Variants in STK24 observed in about 807,000 individuals in gnomAD.
STK24 encodes serine/threonine-protein kinase 24.
A neutral mutation model predicts 55.6 loss-of-function variants in STK24; 21 were observed. That is an observed-to-expected ratio of 0.38 (90% CI 0.27 to 0.54). The LOEUF (loss-of-function observed/expected upper bound fraction) is 0.54. Ranked by LOEUF, STK24 falls within the 20% of genes least tolerant of loss-of-function variation. The pLI is 0.79. For missense variants in STK24, 383 were observed against 538.4 expected (o/e 0.71, Z 2.86); for synonymous variants, 200 against 215.2 (o/e 0.93, Z 0.62).
chr13:98,479,436 A>G (rs1894505190), intron 3 of STK24, among the ~76,000 whole-genome samples: 1 of 152,264 alleles, frequency 6.6e-6, no homozygotes, highest in South Asian at 2.1e-4. Context: ...GCATTTTTTA[A>G]AAGTTAAAAA....
Position 98,446,270 on chromosome 13 carries a change from C to G in STK24, c.*6903G>C. The G allele has an allele frequency of 1.9e-6, 2 of 1,028,130 alleles. No individual in the cohort carries two copies. The highest frequency in any genetic ancestry group is 3.0e-6 in the Non-Finnish European group (2 of 663,264). The allele number at this position is 1,028,130 out of a possible 1,614,324, so 63.7% of individuals were successfully genotyped here. A position where few individuals can be genotyped will look rare whatever the true frequency, so the allele number is the denominator to read the frequency against. ...GGGGTGGCAGCATGAGGTGAGGGGGCCGCCCTCCTCTGGAATGACTCAGGC... is the reference window on the plus strand; with the variant it reads ...GGGGTGGCAGCATGAGGTGAGGGGGGCGCCCTCCTCTGGAATGACTCAGGC... On this transcript the variant is annotated 3_prime_UTR_variant, in exon 11 of 11. Coordinates refer to ENST00000539966, the MANE Select transcript of STK24 (RefSeq NM_001032296.4).
At chr13:98,457,136 T>G in intron 10 of STK24, 32 bp downstream of exon 10, 3 of 1,600,310 alleles carry the variant, frequency 1.9e-6, no homozygotes, top group Non-Finnish European at 2.6e-6. Flanking sequence ...AGGTCTCTCC[T>G]TCCCCAGCCC....
intron 2 of STK24, among the ~76,000 whole-genome samples, chr13:98,501,565 A>G (rs1051754747): frequency 6.6e-6 from 1 of 152,260 alleles, no homozygotes; most frequent in African/African-American, 2.4e-5. Flanking sequence ...TAGGTACATG[A>G]TAGAATCGAT....
intron 5 of STK24, among the ~76,000 whole-genome samples, chr13:98,472,436 A>G (rs1894188682): frequency 6.6e-6 from 1 of 152,202 alleles, no homozygotes; most frequent in African/African-American, 2.4e-5. Flanking sequence ...TTCTCATGTG[A>G]GCAGTGATGG....
Position 98,464,685 on chromosome 13 carries a change from C to T in STK24, c.784-849G>A, listed in dbSNP as rs766847735. On this transcript the variant is annotated intron_variant, in intron 6 of 10. Transcript: ENST00000539966. ...TAATTTTTTGTATTTTTAGTAGAAA[C>T]GGGATTTCACCATGTTAGCCAGGCT... Among the ~76,000 whole-genome samples the T allele has an allele frequency of 8.9e-4, 135 of 151,466 alleles. 1 individual carries two copies. The highest frequency in any genetic ancestry group is 1.3e-3 in the Non-Finnish European group (91 of 67,868).
At chr13:98,560,647 C>G (rs532990957) in intron 1 of STK24, among the ~76,000 whole-genome samples, 4 of 152,116 alleles carry the variant, frequency 2.6e-5, no homozygotes, top group African/African-American at 9.6e-5. Flanking sequence ...GGAAAGCCGA[C>G]GTGGGTGGAT....
intron 6 of STK24, 90 bp downstream of exon 6, chr13:98,466,286 A>C: frequency 7.7e-7 from 1 of 1,296,182 alleles, no homozygotes; most frequent in Non-Finnish European, 1.0e-6. Context: ...AGACAGCTGA[A>C]AAGAGTGATT....
chr13:98,538,516 C>A (rs182570386), intron 1 of STK24, among the ~76,000 whole-genome samples: 12 of 152,136 alleles, frequency 7.9e-5, no homozygotes, highest in African/African-American at 1.4e-4. Context: ...TGAGCCACCG[C>A]GGCTTGGTGC....
chr13:98,544,292 C>G (rs541290600), intron 1 of STK24, among the ~76,000 whole-genome samples: 24 of 152,202 alleles, frequency 1.6e-4, no homozygotes, highest in African/African-American at 2.4e-4. Flanking sequence ...GTGGCAGGTA[C>G]GTTCCCGTGG....
At chr13:98,519,766 G>A (rs557424934) in intron 1 of STK24, among the ~76,000 whole-genome samples, 1 of 152,228 alleles carries the variant, frequency 6.6e-6, no homozygotes, top group East Asian at 1.9e-4. Context: ...TATAATGAGG[G>A]TAAATTAAAA....
chr13:98,531,460 T>C (rs550194689), intron 1 of STK24, among the ~76,000 whole-genome samples: 28 of 152,132 alleles, frequency 1.8e-4, no homozygotes, highest in Non-Finnish European at 3.4e-4. Flanking sequence ...GCCTCCTCCA[T>C]TGCCCTGGGA....
chr13:98,473,457 G>T (rs9517317), intron 5 of STK24, among the ~76,000 whole-genome samples: 1 of 150,698 alleles, frequency 6.6e-6, no homozygotes, highest in African/African-American at 2.4e-5. Flanking sequence ...GATAAATGGG[G>T]TCAGCTTAAA....
intron 2 of STK24, among the ~76,000 whole-genome samples, chr13:98,483,650 A>G (rs1894691643): frequency 6.6e-6 from 1 of 152,012 alleles, no homozygotes; most frequent in East Asian, 1.9e-4. Flanking sequence ...CTTTACTTTT[A>G]TTATCTATTG....
At chr13:98,562,369 G>A (rs1183959324) in intron 1 of STK24, among the ~76,000 whole-genome samples, 1 of 152,164 alleles carries the variant, frequency 6.6e-6, no homozygotes, top group Non-Finnish European at 1.5e-5. Context: ...AACGGGGCCA[G>A]GGTAGGAAAC....
At chr13:98,502,476 T>C (rs1172472191) in intron 2 of STK24, among the ~76,000 whole-genome samples, 1 of 152,086 alleles carries the variant, frequency 6.6e-6, no homozygotes, top group East Asian at 1.9e-4. Flanking sequence ...AATTCATGGG[T>C]TGGAAACTTA....
intron 1 of STK24, among the ~76,000 whole-genome samples, chr13:98,546,687 T>A (rs1487198448): frequency 1.3e-5 from 2 of 152,092 alleles, no homozygotes; most frequent in Admixed American, 1.3e-4. Context: ...GCAGCCCCTA[T>A]CACGGAAAGT....
Position 98,446,621 on chromosome 13 carries a change from G to A in STK24, c.*6552C>T, listed in dbSNP as rs1214803541. ...GGGGCAGCAGCCAGGCCCAGCAGCA[G>A]AAGCTGACCCCGAAAAGCCACTTTG... On this transcript the variant is annotated 3_prime_UTR_variant, in exon 11 of 11. Coordinates refer to ENST00000539966, the MANE Select transcript of STK24 (RefSeq NM_001032296.4). 4 of 1,603,746 alleles carry A rather than the reference G, an allele frequency of 2.5e-6. No homozygotes were observed. The African/African-American group carries it at 5.3e-5, about 21-fold the overall frequency.
At chr13:98,479,043 G>A (rs1200187289) in intron 3 of STK24, among the ~76,000 whole-genome samples, 1 of 152,164 alleles carries the variant, frequency 6.6e-6, no homozygotes, top group Admixed American at 6.5e-5. Flanking sequence ...CCTGACACGC[G>A]GGAGGCACAC....
Position 98,463,748 on chromosome 13 carries a change from T to C in STK24, c.872A>G (p.Tyr291Cys). 1 of 1,614,244 alleles carries C rather than the reference T, an allele frequency of 6.2e-7. No individual in the cohort carries two copies. The highest frequency in any genetic ancestry group is 8.5e-7 in the Non-Finnish European group (1 of 1,180,046). ...GCTCTGCTCGGCCTTCCATCTCTTG[T>C]ACCTGTCGATGAGCTCGGTCAAGTA... ...TSYLTELIDR[Y>C]KRWKAEQSHD... Residue 291 changes from tyrosine to cysteine, a missense_variant, in exon 7 of 11, where the codon TAC becomes TGC. Tyr to Cys is a radical substitution (Grantham distance 194). Transcript: ENST00000539966.
Sources: gnomAD v4.1 joint callset for allele counts (sites outside exome capture counted in the v4.1 genomes callset) on GRCh38, gnomAD v4.1.1 for gene constraint, MANE v1.5 for transcripts, NCBI Gene and HGNC (gene_info 2026-07-23, HGNC 2026-07-21) for gene names.